Variants in HAUS1 observed in about 807,000 individuals in gnomAD.
The protein encoded by HAUS1 is HAUS augmin-like complex subunit 1.
HAUS1 carries 25 observed loss-of-function variants against 38.6 expected under a neutral mutation model. The observed-to-expected ratio is 0.65, with a 90% CI of 0.47 to 0.91. The LOEUF (loss-of-function observed/expected upper bound fraction) is 0.91, where lower values mean the gene tolerates loss of function less well. Ranked by LOEUF, HAUS1 falls within the 40% of genes least tolerant of loss-of-function variation. The pLI, the probability that HAUS1 is intolerant of heterozygous loss-of-function variation, is 0.00. For missense variants in HAUS1, 325 were observed against 328.4 expected, an observed-to-expected ratio of 0.99 and a Z score of 0.08; for synonymous variants, 109 against 112.9, an observed-to-expected ratio of 0.97 and a Z score of 0.22.
At chr18:46,109,225 C>G (rs1379285936) in intron 2 of HAUS1, among the ~76,000 whole-genome samples, 1 of 152,060 alleles carries the variant, frequency 6.6e-6, no homozygotes, top group East Asian at 1.9e-4. Context: ...AGACAGAGGG[C>G]ATGAAGCTGG....
chr18:46,122,242 T>G (rs1271203651), intron 4 of HAUS1, among the ~76,000 whole-genome samples: 2 of 151,564 alleles, frequency 1.3e-5, no homozygotes, highest in East Asian at 3.9e-4. Context: ...GCCAAGGAGC[T>G]TGAGGCTGCA....
At chr18:46,111,321 T>C (rs551364575) in intron 2 of HAUS1, among the ~76,000 whole-genome samples, 81 of 152,146 alleles carry the variant, frequency 5.3e-4, no homozygotes, top group Non-Finnish European at 7.9e-4. Flanking sequence ...TTTCTTGTTA[T>C]ATTATTAATG....
intron 8 of HAUS1, chr18:46,126,913 CA>C (rs1361477215): frequency 6.6e-6 from 1 of 151,826 alleles, no homozygotes; most frequent in African/African-American, 2.4e-5. Context: ...CAGATCACTG[CA>C]ACCTCCACCT....
At chr18:46,111,558 G>C (rs2144249660) in intron 2 of HAUS1, among the ~76,000 whole-genome samples, 1 of 152,210 alleles carries the variant, frequency 6.6e-6, no homozygotes, top group East Asian at 1.9e-4. Flanking sequence ...CTGGCCTCAA[G>C]GGATCCTCCC....
intron 2 of HAUS1, among the ~76,000 whole-genome samples, chr18:46,112,228 A>G (rs1414061331): frequency 7.0e-6 from 1 of 142,136 alleles, no homozygotes; most frequent in East Asian, 2.0e-4. Flanking sequence ...TTTGGCTTCC[A>G]TATATATATA....
At chr18:46,112,909 T>C (rs1192269288) in intron 2 of HAUS1, among the ~76,000 whole-genome samples, 1 of 113,442 alleles carries the variant, frequency 8.8e-6, no homozygotes, top group African/African-American at 3.8e-5. Context: ...ATTATATATA[T>C]AATATATATA....
chr18:46,104,588 T>G (rs1911401616), intron 1 of HAUS1, 147 bp downstream of exon 1: 1 of 637,836 alleles, frequency 1.6e-6, no homozygotes, highest in African/African-American at 1.9e-5. Context: ...CGTCACTATC[T>G]GCAAGCCCCC....
At chr18:46,118,969 G>A (rs1599814707) in intron 3 of HAUS1, among the ~76,000 whole-genome samples, 1 of 152,138 alleles carries the variant, frequency 6.6e-6, no homozygotes, top group Admixed American at 6.6e-5. Flanking sequence ...CCGGGGTAAA[G>A]CGATTCTCCT....
rs1911587830 is a variant in HAUS1, at chr18:46,110,333, G to GTTTTTTTTTTTTGTTT, written c.205+4977_205+4978insGTTTTTTTTTTTTTTT. Among the ~76,000 whole-genome samples the GTTTTTTTTTTTTGTTT allele has an allele frequency of 1.0e-4, 5 of 49,994 alleles. 1 individual carries two copies. Among genetic ancestry groups the GTTTTTTTTTTTTGTTT allele is most frequent in the African/African-American group, 1.7e-4 (2 of 11,498 alleles). The allele number at this position is 49,994 out of a possible 152,430, so 32.8% of individuals were successfully genotyped here. ...ACCATGCCCAGCTTATTTTTTTAAG[G>GTTTTTTTTTTTTGTTT]TTTTTTTTTTTTTTTTTTTTTTTTT... On this transcript the variant is annotated intron_variant, in intron 2 of 8. Coordinates refer to ENST00000282058, the MANE Select transcript of HAUS1 (RefSeq NM_138443.4).
intron 2 of HAUS1, among the ~76,000 whole-genome samples, chr18:46,117,424 G>A (rs939592678): frequency 1.3e-5 from 2 of 152,146 alleles, no homozygotes; most frequent in African/African-American, 2.4e-5. Flanking sequence ...GAAGCTAGTC[G>A]CAAAGGACCA....
intron 2 of HAUS1, among the ~76,000 whole-genome samples, chr18:46,106,129 A>G (rs1911471438): frequency 6.6e-6 from 1 of 152,312 alleles, no homozygotes; most frequent in African/African-American, 2.4e-5. Context: ...ATGACTACGT[A>G]TCAGGAGATT....
chr18:46,113,191 C>G (rs963440409), intron 2 of HAUS1, among the ~76,000 whole-genome samples: 1 of 150,560 alleles, frequency 6.6e-6, no homozygotes, highest in African/African-American at 2.4e-5. Flanking sequence ...ATTCTCATGC[C>G]TCAGTCTCCC....
intron 2 of HAUS1, among the ~76,000 whole-genome samples, chr18:46,111,709 C>T (rs964661337): frequency 9.2e-5 from 14 of 151,706 alleles, no homozygotes; most frequent in South Asian, 2.1e-4. Context: ...CTGCCTGCCT[C>T]GGCCTCCCAA....
intron 2 of HAUS1, among the ~76,000 whole-genome samples, chr18:46,109,003 G>T (rs1345015240): frequency 6.6e-6 from 1 of 151,490 alleles, no homozygotes; most frequent in Admixed American, 6.6e-5. Context: ...CCTGGGAGGT[G>T]GAGCTTGCAG....
chr18:46,116,681 G>A (rs1341180521), intron 2 of HAUS1, among the ~76,000 whole-genome samples: 3 of 151,816 alleles, frequency 2.0e-5, no homozygotes, highest in Admixed American at 2.0e-4. Context: ...TGGTCACAAA[G>A]CACGGCATCA....
At chr18:46,116,422 A>C (rs1911799437) in intron 2 of HAUS1, among the ~76,000 whole-genome samples, 1 of 151,540 alleles carries the variant, frequency 6.6e-6, no homozygotes, top group Non-Finnish European at 1.5e-5. Context: ...TTAGCCAGGC[A>C]TGGTGGTGCA....
Position 46,124,912 on chromosome 18 carries a change from TA to T in HAUS1, c.738+25del. 6.6e-6 allele frequency: 9 copies of T among 1,354,256 alleles called. No homozygotes were observed. The highest frequency in any genetic ancestry group is 7.4e-6 in the Non-Finnish European group (7 of 946,152). The allele number at this position is 1,354,256 out of a possible 1,614,324, so 83.9% of individuals were successfully genotyped here. A position where few individuals can be genotyped will look rare whatever the true frequency, so the allele number is the denominator to read the frequency against. ...AATGCCGGTAATAATTTTCGCGAATTAAAAAACAATTATTTCCTCCAACCTT... is the reference window on the plus strand; with the variant it reads ...AATGCCGGTAATAATTTTCGCGAATTAAAAACAATTATTTCCTCCAACCTT... On this transcript the variant is annotated intron_variant, in intron 7 of 8. Coordinates refer to ENST00000282058, the MANE Select transcript of HAUS1 (RefSeq NM_138443.4).
chr18:46,121,844 T>C (rs1403648991), intron 4 of HAUS1: 1 of 152,126 alleles, frequency 6.6e-6, no homozygotes, highest in Non-Finnish European at 1.5e-5. Flanking sequence ...ATTTATTTTA[T>C]TATTTTTTTT....
chr18:46,110,566 C>G (rs533183093), intron 2 of HAUS1, among the ~76,000 whole-genome samples: 6 of 151,956 alleles, frequency 3.9e-5, no homozygotes, highest in Middle Eastern at 3.4e-3. Flanking sequence ...TGGTCTTGAG[C>G]TCCTAACCTC....
Sources: allele counts gnomAD v4.1 joint callset (sites outside exome capture counted in the v4.1 genomes callset), GRCh38; gene constraint gnomAD v4.1.1; transcripts MANE v1.5; gene names NCBI Gene and HGNC (gene_info 2026-07-23, HGNC 2026-07-21).